MYBBP1A: variants seen among roughly 807,000 people sequenced by gnomAD.
MYBBP1A encodes MYB binding protein 1a, also known as myb-binding protein 1A.
In MYBBP1A, 147 loss-of-function variants were observed where a neutral mutation model predicts 136.3. The observed-to-expected ratio is 1.08, with a 90% CI of 0.94 to 1.24. MYBBP1A has a LOEUF of 1.24. Ranked by LOEUF, MYBBP1A falls within the 50% of genes most tolerant of loss-of-function variation. MYBBP1A has a pLI of 0.00. For synonymous variants in MYBBP1A, 947 were observed against 735.8 expected, an observed-to-expected ratio of 1.29 and a Z score of -4.65; for missense variants, 2,060 against 1,727.4, an observed-to-expected ratio of 1.19 and a Z score of -3.41.
rs755164608 is a variant in MYBBP1A at position 4,542,916 on chromosome 17, C to A, written c.2889G>T (p.Pro963=). 2.5e-6 allele frequency: 4 copies of A among 1,613,842 alleles called. No individual in the cohort carries two copies. Among genetic ancestry groups the A allele is most frequent in the South Asian group, 2.2e-5 (2 of 91,076 alleles). The change falls in exon 20 of 26, where the codon CCG becomes CCT. Residue 963 remains proline, a synonymous_variant. Coordinates refer to ENST00000254718, the MANE Select transcript of MYBBP1A (RefSeq NM_014520.4). Reference sequence around the variant, plus strand: ...TCCTGGGCCAGGCCCTGCTCACCTGCGGGCCCGTGGGCATGTGGCTGGGGT... The same window carrying A: ...TCCTGGGCCAGGCCCTGCTCACCTGAGGGCCCGTGGGCATGTGGCTGGGGT... ...GTDPSHMPTG[P]QAASCLDLNL... is the part of the protein sequence containing the mutation.
At chr17:4,540,796 G>C (rs555311214) in intron 24 of MYBBP1A, among the ~76,000 whole-genome samples, 2 of 152,200 alleles carry the variant, frequency 1.3e-5, no homozygotes, top group Admixed American at 6.5e-5. Flanking sequence ...CATCACCGCG[G>C]GGCTGCCAAA....
At position 4,552,774 on chromosome 17, in the gene MYBBP1A, C is replaced by CG; in HGVS notation, c.562-149dup. 2.7e-6 allele frequency: 2 copies of CG among 742,190 alleles called. No homozygotes were observed. Among genetic ancestry groups the CG allele is most frequent in the Non-Finnish European group, 4.2e-6 (2 of 473,018 alleles). 46.0% of individuals were successfully genotyped at this position (742,190 alleles called of 1,614,324 possible). ...TAACAAAACTCAAATTCCCAGGCAG[C>CG]GGGGTTTTTGACAAGCATCCCACTG... On this transcript the variant is annotated intron_variant, in intron 5 of 25. Coordinates refer to ENST00000254718, the MANE Select transcript of MYBBP1A (RefSeq NM_014520.4). This position sits in a 1 kb window ranked among gnomAD's most constrained non-coding sequence, Gnocchi z 4.7.
intron 24 of MYBBP1A, among the ~76,000 whole-genome samples, chr17:4,541,261 C>T (rs1014879543): frequency 6.6e-6 from 1 of 152,276 alleles, no homozygotes; most frequent in Non-Finnish European, 1.5e-5. Flanking sequence ...CAGGGTGGCA[C>T]AGTCCCTTCC....
At chr17:4,540,246 TGTGCGTGTGCAGCAGCGTGTGTGCAGC>T in intron 25 of MYBBP1A, 75 bp downstream of exon 25, 2 of 1,398,362 alleles carry the variant, frequency 1.4e-6, no homozygotes, top group East Asian at 2.3e-5. Flanking sequence ...GCGTGTGCAG[TGTGCGTGTGCAGCAGCGTGTGTGCAGC>T]GTGTGTGTGT....
At position 4,544,616 on chromosome 17, in the gene MYBBP1A, T is replaced by TGGTC; in HGVS notation, c.2508_2511dup (p.Lys838AspfsTer59). Reference sequence around the variant, plus strand: ...AGGACCAGGGCATTCTCGGGCTGCTTGGTCACTAGCACCTCCACCAGGTCC... The same window carrying TGGTC: ...AGGACCAGGGCATTCTCGGGCTGCTTGGTCGGTCACTAGCACCTCCACCAGGTCC... On this transcript the variant is annotated frameshift_variant, in exon 19 of 26. Coordinates refer to ENST00000254718, the MANE Select transcript of MYBBP1A (RefSeq NM_014520.4). LOFTEE classifies it high-confidence loss of function. 3 of 1,589,184 alleles carry TGGTC rather than the reference T, an allele frequency of 1.9e-6. No individual in the cohort carries two copies. Among genetic ancestry groups the TGGTC allele is most frequent in the Non-Finnish European group, 2.6e-6 (3 of 1,168,504 alleles).
Position 4,545,272 on chromosome 17 carries a change from AGCC to A in MYBBP1A, c.2144_2146del (p.Arg715del). ...TGCTGGCAACACCTCTGCACCCTTC[AGCC>A]GCCGCTCATCAGAATCGTCCGTCAC... is the stretch of plus-strand genomic sequence containing the variant. On this transcript the variant is annotated inframe_deletion, in exon 16 of 26. Transcript: ENST00000254718. 1.2e-6 allele frequency: 2 copies of A among 1,610,274 alleles called. No individual in the cohort carries two copies. The highest frequency in any genetic ancestry group is 8.5e-7 in the Non-Finnish European group (1 of 1,179,242).
In MYBBP1A at chr17:4,553,929, A is replaced by C; in HGVS notation, c.454-12T>G. ...AGTGCCTCCTGGTCCTGGTCCCCAC[A>C]GAGGGACAGAGGGTATGAGCAGGGC... On this transcript the variant is annotated splice_polypyrimidine_tract_variant and intron_variant, in intron 4 of 25. Transcript: ENST00000254718. 6.2e-7 allele frequency: 1 copy of C among 1,613,930 alleles called. No homozygotes were observed. The highest frequency in any genetic ancestry group is 1.1e-5 in the South Asian group (1 of 91,078).
chr17:4,539,468 G>A lies in MYBBP1A; in HGVS notation c.3934C>T (p.Leu1312Phe), dbSNP rs1567600963. 13 of 1,614,084 alleles carry A rather than the reference G, an allele frequency of 8.1e-6. No homozygotes were observed. The highest frequency in any genetic ancestry group is 7.7e-5 in the South Asian group (7 of 91,080). ...LSLVIRSPSL[L>F]QSGAKKKAQV... ...GCTTTCTTCTTGGCCCCACTCTGAAGCAGGCTGGGACTCCTGATGACCAAA... is the reference window on the plus strand; with the variant it reads ...GCTTTCTTCTTGGCCCCACTCTGAAACAGGCTGGGACTCCTGATGACCAAA... Residue 1312 changes from leucine (L) to phenylalanine (F), a missense_variant, in exon 26 of 26, where the codon CTT (leucine) becomes TTT (phenylalanine). Coordinates refer to ENST00000254718, the MANE Select transcript of MYBBP1A (RefSeq NM_014520.4).
intron 15 of MYBBP1A, 123 bp from the exon 16 acceptor site, chr17:4,545,468 G>C: frequency 6.6e-7 from 1 of 1,505,970 alleles, no homozygotes; most frequent in Non-Finnish European, 9.0e-7. Flanking sequence ...AGGCGGCCAG[G>C]CCAGGCCAAG....
In MYBBP1A at chr17:4,553,795, C is replaced by G; in HGVS notation, c.561+15G>C. The G allele has an allele frequency of 6.2e-7, 1 of 1,610,980 alleles. No homozygotes were observed. The highest frequency in any genetic ancestry group is 8.5e-7 in the Non-Finnish European group (1 of 1,177,468). On this transcript the variant is annotated intron_variant, in intron 5 of 25. Transcript: ENST00000254718. ...CAAAGTGTTGCCTGGGCCCGCACAGCTGGGGAGCTCATACCTCGGAGAGGA... is the reference window on the plus strand; with the variant it reads ...CAAAGTGTTGCCTGGGCCCGCACAGGTGGGGAGCTCATACCTCGGAGAGGA...
At position 4,548,186 on chromosome 17, in the gene MYBBP1A, T is replaced by TGGTCACGTTGTG. The variant is rs1907167736; in HGVS notation, c.1669_1680dup (p.His557_Thr560dup). ...TGCTGCGCAGTGAAGGGTGTCACGG[T>TGGTCACGTTGTG]GGTCACGTTGTGGCTGTGATTCAAC... On this transcript the variant is annotated inframe_insertion, in exon 12 of 26. Transcript: ENST00000254718. This position sits in a 1 kb window ranked among gnomAD's most constrained non-coding sequence, Gnocchi z 4.2. 2 of 1,606,426 alleles carry TGGTCACGTTGTG rather than the reference T, an allele frequency of 1.2e-6. No homozygotes were observed. The highest frequency in any genetic ancestry group is 1.6e-4 in the Middle Eastern group (1 of 6,062).
In MYBBP1A at chr17:4,555,336, T is replaced by C. The variant is rs995528518; in HGVS notation, c.-12A>G. On this transcript the variant is annotated 5_prime_UTR_variant, in exon 1 of 26. Coordinates refer to ENST00000254718, the MANE Select transcript of MYBBP1A (RefSeq NM_014520.4). ...TCCCGGCTCTCCATCTCCGCCACAC[T>C]CACCGAAACACGAAACACGTGTGCT... The C allele has an allele frequency of 2.3e-5, 37 of 1,588,066 alleles. No homozygotes were observed. The highest frequency in any genetic ancestry group is 3.1e-5 in the Non-Finnish European group (36 of 1,168,610).
At chr17:4,541,708 C>T in intron 23 of MYBBP1A, 76 bp downstream of exon 23, 1 of 1,486,762 alleles carries the variant, frequency 6.7e-7, no homozygotes, top group Non-Finnish European at 9.4e-7. Context: ...CTCCAATCCT[C>T]ACTTCTTTCC....
chr17:4,547,775 G>C, intron 13 of MYBBP1A, 183 bp downstream of exon 13: 1 of 539,686 alleles, frequency 1.9e-6, no homozygotes, highest in Non-Finnish European at 3.2e-6. Flanking sequence ...GACACCAGCT[G>C]GTGCCGCTAA....
chr17:4,547,747 C>T (rs1907127172), intron 13 of MYBBP1A: 1 of 488,420 alleles, frequency 2.0e-6, no homozygotes, highest in Non-Finnish European at 3.6e-6. Context: ...ATTACGAGAT[C>T]CTGCATGGAA....
chr17:4,545,918 G>A lies in MYBBP1A; in HGVS notation c.1849C>T (p.Leu617=), dbSNP rs746927569. 2 of 1,613,306 alleles carry A rather than the reference G, an allele frequency of 1.2e-6. No homozygotes were observed. Among genetic ancestry groups the A allele is most frequent in the Admixed American group, 1.7e-5 (1 of 60,018 alleles). The change falls in exon 14 of 26, where the codon CTG becomes TTG. Residue 617 remains leucine (L), a synonymous_variant. Transcript: ENST00000254718. ...LKSPAESCDL[L]GDIQTCIRKS... is the part of the protein sequence containing the mutation. ...CTGATGCAGGTCTGGATGTCACCCA[G>A]CAGGTCACAGCTCTCTGCAGGGGAC...
At chr17:4,543,961 G>A (rs1241067329) in intron 19 of MYBBP1A, among the ~76,000 whole-genome samples, 5 of 152,182 alleles carry the variant, frequency 3.3e-5, no homozygotes, top group Non-Finnish European at 5.9e-5. Context: ...CTGCGAGGGT[G>A]CGGGGGTCTG....
intron 18 of MYBBP1A, 28 bp downstream of exon 18, chr17:4,544,723 G>T: frequency 6.6e-7 from 1 of 1,514,666 alleles, no homozygotes. Context: ...GGGAGGCGGG[G>T]GTGGGTGCGG....
intron 2 of MYBBP1A, among the ~76,000 whole-genome samples, 194 bp from the exon 3 acceptor site, chr17:4,554,472 C>G (rs768873830): frequency 2.0e-5 from 3 of 152,156 alleles, no homozygotes; most frequent in African/African-American, 4.8e-5. Flanking sequence ...TCTCTCCGCA[C>G]GTGGTCTGAG....
Sources: gnomAD v4.1 joint callset for allele counts (sites outside exome capture counted in the v4.1 genomes callset) on GRCh38, gnomAD v4.1.1 for gene constraint, Gnocchi (gnomAD v3.1) non-coding constraint, MANE v1.5 for transcripts, NCBI Gene and HGNC (gene_info 2026-07-23, HGNC 2026-07-21) for gene names.